QNG1: variants seen among roughly 807,000 people sequenced by gnomAD.
QNG1 encodes the protein queuosine 5'-phosphate N-glycosylase/hydrolase.
At chr9:83,940,006 C>T in the QNG1 span, among the ~76,000 whole-genome samples, 2 of 152,206 alleles carry the variant, frequency 1.3e-5, no homozygotes, top group African/African-American at 2.4e-5. Context: ...ATACTAGCTC[C>T]CCAATAAATA....
At chr9:83,956,757 G>C in the QNG1 span, 1 of 396,388 alleles carries the variant, frequency 2.5e-6, no homozygotes, top group Non-Finnish European at 4.5e-6. Context: ...AAGCGGTCCC[G>C]TTCACGCCCT....
chr9:83,955,185 G>A, the QNG1 span, among the ~76,000 whole-genome samples: 1 of 152,286 alleles, frequency 6.6e-6, no homozygotes, highest in African/African-American at 2.4e-5. Context: ...CGCAACAAGA[G>A]CAAAACTCTG....
chr9:83,955,686 T>C, the QNG1 span: 1 of 1,573,036 alleles, frequency 6.4e-7, no homozygotes, highest in Non-Finnish European at 8.7e-7. Flanking sequence ...CATACTTCCA[T>C]ATGCATTAAA....
At chr9:83,956,714 C>T in the QNG1 span, 3 of 430,434 alleles carry the variant, frequency 7.0e-6, no homozygotes. Flanking sequence ...CCCGGGGCAG[C>T]TCGCTGGGCA....
At chr9:83,956,506 C>T in the QNG1 span, 1 of 1,518,276 alleles carries the variant, frequency 6.6e-7, no homozygotes, top group South Asian at 1.3e-5. Context: ...TCCATTCTGC[C>T]CTTTGGGACC....
the QNG1 span, chr9:83,956,575 AC>A: frequency 7.7e-7 from 1 of 1,298,400 alleles, no homozygotes; most frequent in Non-Finnish European, 1.1e-6. Flanking sequence ...GCCTTGCGCT[AC>A]TACGAACCGC....
chr9:83,943,312 C>G, the QNG1 span, among the ~76,000 whole-genome samples: 1 of 127,282 alleles, frequency 7.9e-6, no homozygotes, highest in Non-Finnish European at 1.6e-5. Context: ...CACACTCCAG[C>G]TTGGGCAACA....
At chr9:83,938,750 T>A in the QNG1 span, 3 of 70,102 alleles carry the variant, frequency 4.3e-5, no homozygotes, top group Non-Finnish European at 8.3e-5. Flanking sequence ...ATGTCAGGAA[T>A]TTTTTTTTTT....
the QNG1 span, among the ~76,000 whole-genome samples, chr9:83,952,000 A>T: frequency 2.3e-4 from 35 of 152,188 alleles, no homozygotes; most frequent in Middle Eastern, 6.8e-3. Context: ...TTATTTATTT[A>T]TTTTTTTGGG....
chr9:83,939,533 C>T, the QNG1 span: 11 of 1,612,454 alleles, frequency 6.8e-6, no homozygotes, highest in Middle Eastern at 1.6e-4. Context: ...GCAACGTATG[C>T]GATGAAACGG....
the QNG1 span, among the ~76,000 whole-genome samples, chr9:83,946,328 T>A: frequency 7.9e-5 from 12 of 151,902 alleles, no homozygotes; most frequent in South Asian, 2.5e-3. Context: ...TAAAAAAAAA[T>A]ACAGCAACAT....
At chr9:83,943,427 A>G in the QNG1 span, among the ~76,000 whole-genome samples, 1 of 151,526 alleles carries the variant, frequency 6.6e-6, no homozygotes, top group Admixed American at 6.6e-5. Context: ...GTGTGTACAA[A>G]ACAAAAAAAA....
At chr9:83,945,143 C>T in the QNG1 span, among the ~76,000 whole-genome samples, 1 of 152,064 alleles carries the variant, frequency 6.6e-6, no homozygotes, top group South Asian at 2.1e-4. Context: ...ATGGCTCCCG[C>T]CTGTAATCCC....
At chr9:83,942,596 T>C in the QNG1 span, among the ~76,000 whole-genome samples, 1 of 152,216 alleles carries the variant, frequency 6.6e-6, no homozygotes, top group Non-Finnish European at 1.5e-5. Context: ...GGTCCTAGAT[T>C]TCACTTAAGG....
the QNG1 span, chr9:83,956,255 C>A: frequency 1.2e-6 from 2 of 1,614,172 alleles, no homozygotes; most frequent in Non-Finnish European, 1.7e-6. Context: ...TGTGCTCGTC[C>A]TGCTCCGACC....
chr9:83,947,170 A>C, the QNG1 span, among the ~76,000 whole-genome samples: 10 of 152,194 alleles, frequency 6.6e-5, no homozygotes, highest in Non-Finnish European at 1.2e-4. Flanking sequence ...CCTAATACCA[A>C]TAGTAATAAC....
the QNG1 span, chr9:83,953,824 TC>T: frequency 6.5e-7 from 1 of 1,547,462 alleles, no homozygotes; most frequent in Non-Finnish European, 8.7e-7. Context: ...AACAAAATGA[TC>T]ATCATTTGTT....
the QNG1 span, chr9:83,944,730 A>C: frequency 1.5e-6 from 2 of 1,317,552 alleles, no homozygotes; most frequent in African/African-American, 3.0e-5. Context: ...GACCTTTTGT[A>C]AAAGAAACTA....
chr9:83,949,331 C>A, the QNG1 span, among the ~76,000 whole-genome samples: 3 of 152,176 alleles, frequency 2.0e-5, no homozygotes, highest in Non-Finnish European at 4.4e-5. Context: ...GTTTCTAGTT[C>A]AAGTCTAGTT....
Sources: gnomAD v4.1 joint callset for allele counts (sites outside exome capture counted in the v4.1 genomes callset) on GRCh38, gnomAD v4.1.1 for gene constraint, MANE v1.5 for transcripts, NCBI Gene and HGNC (gene_info 2026-07-23, HGNC 2026-07-21) for gene names.